The following AFF2 variants were observed in gnomAD, a reference collection of about 807,000 sequenced individuals.
AFF2 encodes the protein AF4/FMR2 family member 2.
Under a neutral mutation model 76.9 loss-of-function variants are expected in AFF2, and 14 were observed. The observed-to-expected ratio is 0.18, with a 90% CI of 0.12 to 0.28. The LOEUF (loss-of-function observed/expected upper bound fraction) is 0.28, where lower values mean the gene tolerates loss of function less well. Ranked by LOEUF, AFF2 falls within the 10% of genes least tolerant of loss-of-function variation. AFF2 has a pLI of 1.00. For missense variants in AFF2, 868 were observed against 1,001.1 expected (o/e 0.87, Z 1.79); for synonymous variants, 398 against 366.7 (o/e 1.09, Z -0.98).
At chrX:148,909,906 TATCAC>T (rs2071450234) in intron 9 of AFF2, among the ~76,000 whole-genome samples, 1 of 112,984 alleles carries the variant, frequency 8.9e-6, no homozygotes, top group Non-Finnish European at 1.9e-5. Flanking sequence ...ATATGTGACT[TATCAC>T]ATACATTTTT....
intron 1 of AFF2, among the ~76,000 whole-genome samples, chrX:148,574,717 A>G (rs1310570557): frequency 3.6e-5 from 4 of 110,993 alleles, no homozygotes; most frequent in Non-Finnish European, 7.6e-5. Context: ...CTTAGTCTTT[A>G]CCCAACTGCT....
intron 1 of AFF2, among the ~76,000 whole-genome samples, chrX:148,623,600 AATATATATAT>A (rs782158598): frequency 0.026 from 2,617 of 101,437 alleles, 45 homozygotes; most frequent in Middle Eastern, 0.039. Flanking sequence ...CAAACATTTG[AATATATATAT>A]ATATATATAT....
chrX:148,864,816 G>C (rs2070887783), intron 7 of AFF2, among the ~76,000 whole-genome samples: 2 of 111,614 alleles, frequency 1.8e-5, no homozygotes, highest in African/African-American at 6.5e-5. Context: ...ACCATTAACT[G>C]TAATTTTTCC....
At chrX:148,630,605 T>C (rs2053970394) in intron 1 of AFF2, among the ~76,000 whole-genome samples, 1 of 111,337 alleles carries the variant, frequency 9.0e-6, no homozygotes, top group Admixed American at 9.5e-5. Context: ...CTTCCCTCCA[T>C]TGGAGGAACG....
chrX:148,800,228 G>T (rs2070039236), intron 3 of AFF2, among the ~76,000 whole-genome samples: 1 of 111,842 alleles, frequency 8.9e-6, no homozygotes, highest in South Asian at 3.7e-4. Context: ...CTGTTTCTGT[G>T]GAATTTCAGT....
chrX:148,856,608 G>A (rs1557275908), intron 7 of AFF2, among the ~76,000 whole-genome samples: 1 of 111,531 alleles, frequency 9.0e-6, no homozygotes, highest in East Asian at 2.8e-4. Flanking sequence ...ACAAGAGGGA[G>A]AAAACAATGG....
intron 3 of AFF2, among the ~76,000 whole-genome samples, chrX:148,743,101 AC>A (rs2055379697): frequency 8.9e-6 from 1 of 111,881 alleles, no homozygotes; most frequent in Admixed American, 9.5e-5. Context: ...TCTAAAACTG[AC>A]TTTAAAACTA....
At chrX:148,694,810 C>CTTTTTTTTTT (rs34803945) in intron 3 of AFF2, among the ~76,000 whole-genome samples, 1 of 49,129 alleles carries the variant, frequency 2.0e-5, no homozygotes, top group Non-Finnish European at 3.7e-5. Context: ...TCACAAAGCA[C>CTTTTTTTTTT]TTTTTTTTTT....
intron 9 of AFF2, among the ~76,000 whole-genome samples, chrX:148,939,405 T>C (rs914704423): frequency 1.6e-4 from 18 of 111,829 alleles, no homozygotes; most frequent in Non-Finnish European, 3.0e-4. Flanking sequence ...ACTTTTTGCC[T>C]TTATATATTC....
intron 3 of AFF2, among the ~76,000 whole-genome samples, chrX:148,776,827 T>C (rs1345888492): frequency 1.8e-5 from 2 of 112,118 alleles, no homozygotes; most frequent in African/African-American, 6.5e-5. Context: ...CTGATGATAG[T>C]TTCTTGTGCT....
Position 148,606,193 on chromosome X carries a change from T to C in AFF2, c.48-45806T>C, listed in dbSNP as rs782073036. The stretch of plus-strand genomic sequence containing the variant: ...ATAAATTACCAGGATTCATAAAAAG[T>C]CTCATGATCATGAAAGATGAAGAAA... On this transcript the variant is annotated intron_variant, in intron 1 of 20. Transcript: ENST00000370460. 8.0e-5 allele frequency among the ~76,000 whole-genome samples: 9 copies of C among 111,835 alleles called. No individual in the cohort carries two copies. The East Asian group carries it at 2.6e-3, about 32-fold the overall frequency.
At chrX:148,625,813 G>A (rs915836869) in intron 1 of AFF2, among the ~76,000 whole-genome samples, 1 of 111,215 alleles carries the variant, frequency 9.0e-6, no homozygotes. Context: ...TTTAAGCAGG[G>A]TGTATCATGG....
At chrX:148,970,116 T>C (rs1213069214) in intron 15 of AFF2, among the ~76,000 whole-genome samples, 6 of 111,817 alleles carry the variant, frequency 5.4e-5, no homozygotes, top group Non-Finnish European at 1.1e-4. Flanking sequence ...CCTAAGGAAA[T>C]TGTCCTGTAA....
chrX:148,773,248 A>G (rs1557268241), intron 3 of AFF2, among the ~76,000 whole-genome samples: 2 of 111,528 alleles, frequency 1.8e-5, no homozygotes, highest in Admixed American at 9.6e-5. Context: ...TTCCTGAATC[A>G]TATTTAGATA....
chrX:148,500,694 G>GCCGCCGCCGCCGCCGCCGCCGCC lies in AFF2; in HGVS notation c.-404_-403insCCGCCGCCGCCGCCGCCGCCGCC, dbSNP rs2052334024. 2.0e-5 allele frequency: 1 copy of GCCGCCGCCGCCGCCGCCGCCGCC among 51,105 alleles called. No homozygotes were observed. The highest frequency in any genetic ancestry group is 3.9e-5 in the Non-Finnish European group (1 of 25,327). 4.2% of individuals were successfully genotyped at this position (51,105 alleles called of 1,213,427 possible). A position where few individuals can be genotyped will look rare whatever the true frequency, so the allele number is the denominator to read the frequency against. On this transcript the variant is annotated 5_prime_UTR_variant, in exon 1 of 21. Coordinates refer to ENST00000370460, the MANE Select transcript of AFF2 (RefSeq NM_002025.4). ...CCGCCGCCGCCGCCGCTGCCGCCCCGGCTGCCGCGCCGCGCCGCTGCCTCT... is the reference window on the plus strand; with the variant it reads ...CCGCCGCCGCCGCCGCTGCCGCCCCGCCGCCGCCGCCGCCGCCGCCGCCGCTGCCGCGCCGCGCCGCTGCCTCT...
At chrX:148,854,863 TTTG>T (rs2070769691) in intron 7 of AFF2, among the ~76,000 whole-genome samples, 1 of 111,282 alleles carries the variant, frequency 9.0e-6, no homozygotes, top group Non-Finnish European at 1.9e-5. Context: ...TAACAGGACT[TTTG>T]TTGTTGTTGT....
intron 1 of AFF2, among the ~76,000 whole-genome samples, chrX:148,644,088 C>T (rs113748226): frequency 0.013 from 1,395 of 111,415 alleles, 24 homozygotes; most frequent in African/African-American, 0.043. Flanking sequence ...AATCAATATC[C>T]ATTTGAGTGT....
rs868947818 is a variant in AFF2 at position 148,581,193 on chromosome X, A to G, written c.48-70806A>G. 1.2e-3 allele frequency among the ~76,000 whole-genome samples: 67 copies of G among 57,247 alleles called. 1 individual carries two copies. Among genetic ancestry groups the G allele is most frequent in the African/African-American group, 1.7e-3 (26 of 14,963 alleles). The allele number at this position is 57,247 out of a possible 115,157, so 49.7% of individuals were successfully genotyped here. A position where few individuals can be genotyped will look rare whatever the true frequency, so the allele number is the denominator to read the frequency against. On this transcript the variant is annotated intron_variant, in intron 1 of 20. Transcript: ENST00000370460. The stretch of plus-strand genomic sequence containing the variant: ...TACATATACGTATACACACATATAC[A>G]TATACGTATACGTATACACACATAT...
At chrX:148,524,117 CTCTCTCTGTGTG>C (rs2052631816) in intron 1 of AFF2, among the ~76,000 whole-genome samples, 2 of 78,317 alleles carry the variant, frequency 2.6e-5, no homozygotes, top group Admixed American at 1.8e-4. Context: ...CTCTCTCTCT[CTCTCTCTGTGTG>C]TGTGTGTGTG....
Sources: gnomAD v4.1 joint callset for allele counts (sites outside exome capture counted in the v4.1 genomes callset) on GRCh38, gnomAD v4.1.1 for gene constraint, MANE v1.5 for transcripts, NCBI Gene and HGNC (gene_info 2026-07-23, HGNC 2026-07-21) for gene names.